ESCO1: variants seen among roughly 807,000 people sequenced by gnomAD.
ESCO1 encodes N-acetyltransferase ESCO1.
In ESCO1, 33 loss-of-function variants were observed where a neutral mutation model predicts 83.5. The ratio of observed to expected loss-of-function variants is 0.40; its 90% CI spans 0.30 to 0.53. The LOEUF (loss-of-function observed/expected upper bound fraction) is 0.53, where lower values mean the gene tolerates loss of function less well. Ranked by LOEUF, ESCO1 falls within the 20% of genes least tolerant of loss-of-function variation. The pLI is 0.63. For missense variants in ESCO1, 855 were observed against 968.0 expected (o/e 0.88, Z 1.55); for synonymous variants, 332 against 324.3 (o/e 1.02, Z -0.25).
At position 21,574,406 on chromosome 18, in the gene ESCO1, T is replaced by C. The variant is rs749666438; in HGVS notation, c.438A>G (p.Gln146=). 6.2e-7 allele frequency: 1 copy of C among 1,614,166 alleles called. No homozygotes were observed. The highest frequency in any genetic ancestry group is 8.5e-7 in the Non-Finnish European group (1 of 1,180,030). The change falls in exon 4 of 12, where the codon CAA becomes CAG. Residue 146 remains glutamine, a synonymous_variant. Transcript: ENST00000269214. ...LRSREIQGQV[Q]AVKQSLPPTK... is the part of the protein sequence containing the mutation. The stretch of plus-strand genomic sequence containing the variant: ...TTGGTGGCAAACTCTGTTTAACTGC[T>C]TGAACTTGACCCTGAATTTCTCTAC...
intron 8 of ESCO1, among the ~76,000 whole-genome samples, chr18:21,551,155 A>C (rs1270392389): frequency 6.6e-6 from 1 of 151,160 alleles, no homozygotes; most frequent in Non-Finnish European, 1.5e-5. Context: ...GTTTTTTTAA[A>C]AGACACTGAA....
intron 1 of ESCO1, among the ~76,000 whole-genome samples, chr18:21,597,620 C>A (rs1171835525): frequency 2.0e-5 from 3 of 151,310 alleles, no homozygotes; most frequent in Non-Finnish European, 4.4e-5. Context: ...AGATATAAAC[C>A]TATATAAACA....
At chr18:21,559,781 T>C (rs182713774) in intron 8 of ESCO1, among the ~76,000 whole-genome samples, 8 of 152,350 alleles carry the variant, frequency 5.3e-5, no homozygotes, top group Admixed American at 1.3e-4. Flanking sequence ...AGATATTCTA[T>C]GTCCACGCAC....
At chr18:21,588,440 C>T (rs576238989) in intron 1 of ESCO1, among the ~76,000 whole-genome samples, 28 of 146,872 alleles carry the variant, frequency 1.9e-4, no homozygotes, top group Middle Eastern at 3.5e-3. Context: ...TTTTACTTTA[C>T]TCTAAAAAAA....
chr18:21,579,372 G>A (rs1166955407), intron 2 of ESCO1, among the ~76,000 whole-genome samples: 1 of 151,996 alleles, frequency 6.6e-6, no homozygotes, highest in Non-Finnish European at 1.5e-5. Context: ...TGAGGCAGGA[G>A]GATGACATGA....
intron 1 of ESCO1, among the ~76,000 whole-genome samples, chr18:21,592,300 GCTC>G (rs2038683386): frequency 6.7e-6 from 1 of 150,064 alleles, no homozygotes; most frequent in Admixed American, 6.6e-5. Flanking sequence ...GGGCAGAGGG[GCTC>G]CTCACTTCCC....
At chr18:21,549,117 C>G (rs562686725) in intron 8 of ESCO1, among the ~76,000 whole-genome samples, 2 of 152,218 alleles carry the variant, frequency 1.3e-5, no homozygotes, top group Admixed American at 1.3e-4. Flanking sequence ...ATACAACTTG[C>G]TTGTAAAGGC....
chr18:21,580,782 G>C (rs1244067235), intron 2 of ESCO1, among the ~76,000 whole-genome samples: 4 of 152,116 alleles, frequency 2.6e-5, no homozygotes, highest in Non-Finnish European at 4.4e-5. Flanking sequence ...CTGAGGTCAG[G>C]AGTTCGAGAC....
chr18:21,541,817 C>T (rs2037911830), intron 8 of ESCO1, among the ~76,000 whole-genome samples: 1 of 151,976 alleles, frequency 6.6e-6, no homozygotes, highest in Admixed American at 6.6e-5. Flanking sequence ...ATGTAAGTAA[C>T]CTCAAGTTAT....
At chr18:21,577,869 A>T (rs1480535663) in intron 2 of ESCO1, among the ~76,000 whole-genome samples, 3 of 152,156 alleles carry the variant, frequency 2.0e-5, no homozygotes, top group South Asian at 4.1e-4. Context: ...CTGTTCATTC[A>T]AAACCCTCTT....
At position 21,592,499 on chromosome 18, in the gene ESCO1, C is replaced by T. The variant is rs2038689738; in HGVS notation, c.-824-8059G>A. Among the ~76,000 whole-genome samples the T allele has an allele frequency of 5.6e-5, 8 of 142,812 alleles. No homozygotes were observed. In the South Asian group the frequency reaches 6.8e-4, roughly 12 times the overall value. 93.7% of individuals were successfully genotyped at this position (142,812 alleles called of 152,430 possible). A position where few individuals can be genotyped will look rare whatever the true frequency, so the allele number is the denominator to read the frequency against. On this transcript the variant is annotated intron_variant, in intron 1 of 11. Coordinates refer to ENST00000269214, the MANE Select transcript of ESCO1 (RefSeq NM_052911.3). Reference sequence around the variant, plus strand: ...GAGGCTCCTCACTTCCCAGTAGGGGCGGCCGGGCAGAGGCGCCCCTCACCT... The same window carrying T: ...GAGGCTCCTCACTTCCCAGTAGGGGTGGCCGGGCAGAGGCGCCCCTCACCT...
intron 1 of ESCO1, among the ~76,000 whole-genome samples, chr18:21,586,039 G>A (rs1005525354): frequency 3.3e-5 from 5 of 152,120 alleles, no homozygotes; most frequent in African/African-American, 1.2e-4. Context: ...ACTTGTATCA[G>A]GAACATTTCA....
In ESCO1 at chr18:21,575,002, C is replaced by T; in HGVS notation, c.-159G>A. 3.7e-6 allele frequency: 2 copies of T among 544,428 alleles called. No homozygotes were observed. The highest frequency in any genetic ancestry group is 4.9e-4 in the Middle Eastern group (1 of 2,044). The allele number at this position is 544,428 out of a possible 1,614,324, so 33.7% of individuals were successfully genotyped here. ...CATTTTCAACAAAAATACTAGTTTGCTTCAAGTAAGGTTTCTGTCATTCCT... is the reference window on the plus strand; with the variant it reads ...CATTTTCAACAAAAATACTAGTTTGTTTCAAGTAAGGTTTCTGTCATTCCT... On this transcript the variant is annotated 5_prime_UTR_variant, in exon 4 of 12. Coordinates refer to ENST00000269214, the MANE Select transcript of ESCO1 (RefSeq NM_052911.3).
intron 8 of ESCO1, among the ~76,000 whole-genome samples, chr18:21,549,151 T>C (rs973056605): frequency 5.3e-5 from 8 of 152,096 alleles, no homozygotes; most frequent in African/African-American, 1.9e-4. Context: ...AAAACCCTGC[T>C]CTAATTTTTG....
Position 21,573,746 on chromosome 18 carries a change from G to A in ESCO1, c.1098C>T (p.Phe366=). The change falls in exon 4 of 12, where the codon TTC becomes TTT. Residue 366 remains phenylalanine, a synonymous_variant. Coordinates refer to ENST00000269214, the MANE Select transcript of ESCO1 (RefSeq NM_052911.3). ...TNQDVQCNRF[F]PSRKTKPVKC... is the part of the protein sequence containing the mutation. Reference sequence around the variant, plus strand: ...TCACAGGCTTTGTTTTTCTACTTGGGAAAAAACGATTACATTGCACATCCT... The same window carrying A: ...TCACAGGCTTTGTTTTTCTACTTGGAAAAAAACGATTACATTGCACATCCT... The A allele has an allele frequency of 6.2e-7, 1 of 1,613,984 alleles. No individual in the cohort carries two copies. Among genetic ancestry groups the A allele is most frequent in the Non-Finnish European group, 8.5e-7 (1 of 1,179,976 alleles).
intron 7 of ESCO1, 28 bp downstream of exon 7, chr18:21,564,175 C>A (rs1291983179): frequency 1.4e-6 from 2 of 1,392,230 alleles, no homozygotes; most frequent in South Asian, 2.5e-5. Flanking sequence ...AACAACAATT[C>A]ACCAAAATGG....
intron 10 of ESCO1, 25 bp downstream of exon 10, chr18:21,536,017 T>C (rs1471313805): frequency 3.1e-6 from 5 of 1,608,854 alleles, no homozygotes. Context: ...ACCAAATTAC[T>C]TAAGAACACT....
At chr18:21,577,120 C>T (rs2038429216) in intron 2 of ESCO1, among the ~76,000 whole-genome samples, 1 of 151,552 alleles carries the variant, frequency 6.6e-6, no homozygotes, top group Non-Finnish European at 1.5e-5. Context: ...TTTGGGAGGT[C>T]GAGGCAGGCG....
chr18:21,554,156 G>C (rs146980695), intron 8 of ESCO1, among the ~76,000 whole-genome samples: 1 of 152,254 alleles, frequency 6.6e-6, no homozygotes, highest in South Asian at 2.1e-4. Flanking sequence ...TGCTGGTGAG[G>C]ACATGAAGCA....
Sources: gnomAD v4.1 joint callset for allele counts (sites outside exome capture counted in the v4.1 genomes callset) on GRCh38, gnomAD v4.1.1 for gene constraint, MANE v1.5 for transcripts, NCBI Gene and HGNC (gene_info 2026-07-23, HGNC 2026-07-21) for gene names.